MS4A18: variants seen among roughly 807,000 people sequenced by gnomAD.
MS4A18 encodes membrane-spanning 4-domains subfamily A member 18.
A neutral mutation model predicts 13.1 loss-of-function variants in MS4A18; 27 were observed. The ratio of observed to expected loss-of-function variants is 2.06; its 90% CI spans 1.52 to 2.84. The LOEUF (loss-of-function observed/expected upper bound fraction) is 2.84, where lower values mean the gene tolerates loss of function less well. MS4A18 is among the 30% of genes most tolerant of loss of function. The pLI, the probability that MS4A18 is intolerant of heterozygous loss-of-function variation, is 0.00. For missense variants in MS4A18, 307 were observed against 196.4 expected (o/e 1.56, Z -3.37); for synonymous variants, 126 against 76.5 (o/e 1.65, Z -3.38).
chr11:60,725,550 G>C (rs956764492), upstream of MS4A18, among the ~76,000 whole-genome samples: 2 of 151,942 alleles, frequency 1.3e-5, no homozygotes, highest in Non-Finnish European at 2.9e-5. Context: ...TCCCTCATAG[G>C]GCCCAACTGT....
chr11:60,732,362 C>A (rs7117874), intron 1 of MS4A18, among the ~76,000 whole-genome samples: 11 of 151,756 alleles, frequency 7.2e-5, no homozygotes, highest in Non-Finnish European at 1.3e-4. Flanking sequence ...ACTGTGGGGA[C>A]GTCATAGAGG....
At chr11:60,743,927 C>A in exon 6 of MS4A18, 1 of 703,116 alleles carries the variant, frequency 1.4e-6, no homozygotes, top group Non-Finnish European at 2.6e-6. Context: ...CCTGCCAAAG[C>A]TACCACCAGT....
chr11:60,739,974 G>A (rs1320365391), intron 4 of MS4A18, among the ~76,000 whole-genome samples: 1 of 152,184 alleles, frequency 6.6e-6, no homozygotes, highest in African/African-American at 2.4e-5. Flanking sequence ...AGTCCCTAAG[G>A]GGAGAGCTCC....
intron 4 of MS4A18, among the ~76,000 whole-genome samples, chr11:60,739,901 T>C (rs1853392666): frequency 6.6e-6 from 1 of 152,156 alleles, no homozygotes; most frequent in South Asian, 2.1e-4. Context: ...ACTAACCAAG[T>C]GGGCAAGGGA....
chr11:60,728,785 A>C (rs1053365527), upstream of MS4A18, among the ~76,000 whole-genome samples: 19 of 145,370 alleles, frequency 1.3e-4, no homozygotes, highest in Admixed American at 1.1e-3. Flanking sequence ...TATTCTCTTC[A>C]CTCTACTAAC....
chr11:60,738,867 T>C (rs997372948), intron 3 of MS4A18, 35 bp from the exon 5 acceptor site: 14 of 701,662 alleles, frequency 2.0e-5, no homozygotes, highest in Non-Finnish European at 3.6e-5. Flanking sequence ...CTCTTCAGAC[T>C]CGGCTCCCTC....
chr11:60,739,769 G>A lies in MS4A18; in HGVS notation c.744+772G>A, dbSNP rs55827407. 8.3e-3 allele frequency among the ~76,000 whole-genome samples: 1,264 copies of A among 152,350 alleles called. 12 individuals are homozygous for A. The highest frequency in any genetic ancestry group is 0.028 in the African/African-American group (1,146 of 41,572). ...AGCCCTCAAGTGAAGCCATGCAAATGAAAGTCAGGCAGCAGGCATGGAAGG... is the reference window on the plus strand; with the variant it reads ...AGCCCTCAAGTGAAGCCATGCAAATAAAAGTCAGGCAGCAGGCATGGAAGG... On this transcript the variant is annotated intron_variant, in intron 4 of 5. Transcript: ENST00000529108.
chr11:60,731,860 C>T (rs992473749), intron 1 of MS4A18, among the ~76,000 whole-genome samples: 22 of 152,268 alleles, frequency 1.4e-4, no homozygotes, highest in African/African-American at 5.1e-4. Context: ...GCCAGATTTG[C>T]TTCAGCCTCA....
intron 2 of MS4A18, among the ~76,000 whole-genome samples, chr11:60,734,037 AG>A (rs1458451256): frequency 6.6e-6 from 1 of 152,070 alleles, no homozygotes; most frequent in Non-Finnish European, 1.5e-5. Flanking sequence ...TGGGGTCAGG[AG>A]TTTGAGACCA....
At chr11:60,741,886 T>A (rs1045699727) in intron 5 of MS4A18, among the ~76,000 whole-genome samples, 4 of 152,218 alleles carry the variant, frequency 2.6e-5, no homozygotes, top group African/African-American at 4.8e-5. Flanking sequence ...TTGGGTGTAT[T>A]GCTCTTCTTG....
At chr11:60,729,846 T>G in intron 1 of MS4A18, 60 bp downstream of exon 2, 3 of 644,738 alleles carry the variant, frequency 4.7e-6, no homozygotes, top group African/African-American at 1.8e-5. Context: ...CGTCTAGTGC[T>G]CTGGGATGAG....
intron 1 of MS4A18, among the ~76,000 whole-genome samples, chr11:60,730,089 C>T (rs1853230959): frequency 6.6e-6 from 1 of 152,196 alleles, no homozygotes; most frequent in African/African-American, 2.4e-5. Flanking sequence ...CTAAAAAGAC[C>T]ACTGAGCAGG....
chr11:60,737,436 T>C (rs927776710), intron 3 of MS4A18, among the ~76,000 whole-genome samples: 1 of 152,238 alleles, frequency 6.6e-6, no homozygotes, highest in African/African-American at 2.4e-5. Flanking sequence ...AAGCCAGGCC[T>C]GAGCCAAACG....
At chr11:60,730,404 CA>C (rs1451609892) in intron 1 of MS4A18, among the ~76,000 whole-genome samples, 2 of 152,194 alleles carry the variant, frequency 1.3e-5, no homozygotes, top group Non-Finnish European at 2.9e-5. Context: ...ACTGGCGTGT[CA>C]CAGATGCCCA....
At chr11:60,725,626 A>G (rs1486705561), upstream of MS4A18, among the ~76,000 whole-genome samples, 1 of 152,212 alleles carries the variant, frequency 6.6e-6, no homozygotes, top group Non-Finnish European at 1.5e-5. Context: ...TCCTCTGAAA[A>G]AAAGGAAGAG....
At chr11:60,724,925 T>C (rs1853124071), upstream of MS4A18, among the ~76,000 whole-genome samples, 1 of 152,072 alleles carries the variant, frequency 6.6e-6, no homozygotes, top group African/African-American at 2.4e-5. Flanking sequence ...AGACATAGGG[T>C]AGTGCCCTCC....
chr11:60,730,376 C>A (rs1853236824), intron 1 of MS4A18, among the ~76,000 whole-genome samples: 2 of 152,200 alleles, frequency 1.3e-5, no homozygotes, highest in Admixed American at 1.3e-4. Context: ...GGATGCCTGG[C>A]CAACTCTTAG....
chr11:60,737,163 C>T (rs1853355040), intron 3 of MS4A18, 129 bp downstream of exon 4: 4 of 644,316 alleles, frequency 6.2e-6, no homozygotes, highest in Non-Finnish European at 1.1e-5. Context: ...ATTTCCATAC[C>T]TTATTCCAGT....
upstream of MS4A18, among the ~76,000 whole-genome samples, chr11:60,728,715 C>CCT (rs1171248407): frequency 4.0e-5 from 6 of 151,156 alleles, no homozygotes; most frequent in African/African-American, 1.5e-4. Context: ...TTTTCCTTTC[C>CCT]CTCTCTCTCT....
Sources: gnomAD v4.1 joint callset for allele counts (sites outside exome capture counted in the v4.1 genomes callset) on GRCh38, gnomAD v4.1.1 for gene constraint, MANE v1.5 for transcripts, NCBI Gene and HGNC (gene_info 2026-07-23, HGNC 2026-07-21) for gene names.